Variants in SERINC5 observed in about 807,000 individuals in gnomAD.
The protein encoded by SERINC5 is serine incorporator 5, also known as chromosome 5 open reading frame 12.
Under a neutral mutation model 63.1 loss-of-function variants are expected in SERINC5, and 41 were observed. The observed-to-expected ratio is 0.65, with a 90% CI of 0.51 to 0.84. The LOEUF (loss-of-function observed/expected upper bound fraction) is 0.84, where lower values mean the gene tolerates loss of function less well. Ranked by LOEUF, SERINC5 falls within the 40% of genes least tolerant of loss-of-function variation. SERINC5 has a pLI of 0.00. For synonymous variants in SERINC5, 222 were observed against 215.2 expected (o/e 1.03, Z -0.28); for missense variants, 523 against 573.0 (o/e 0.91, Z 0.89).
chr5:80,176,184 C>T (rs922575665), intron 4 of SERINC5, among the ~76,000 whole-genome samples: 5 of 151,432 alleles, frequency 3.3e-5, no homozygotes, highest in African/African-American at 9.7e-5. Context: ...GACTCTGTCT[C>T]GAAAAACAAA....
At chr5:80,203,878 C>T (rs917702987) in intron 1 of SERINC5, among the ~76,000 whole-genome samples, 6 of 152,128 alleles carry the variant, frequency 3.9e-5, no homozygotes, top group African/African-American at 7.2e-5. Flanking sequence ...TTTAGAGGGT[C>T]GGAACTTTCA....
At chr5:80,177,291 A>G (rs1748096595) in intron 4 of SERINC5, 24 bp downstream of exon 4, 1 of 1,546,568 alleles carries the variant, frequency 6.5e-7, no homozygotes, top group Admixed American at 1.8e-5. Context: ...AAATAAACAG[A>G]TACCCAAAAT....
chr5:80,164,922 T>TTTG (rs1747183311), intron 7 of SERINC5, among the ~76,000 whole-genome samples: 1 of 140,008 alleles, frequency 7.1e-6, no homozygotes, highest in African/African-American at 2.7e-5. Flanking sequence ...TTTTTTTTTT[T>TTTG]TTTTTTTTTT....
At position 80,224,026 on chromosome 5, in the gene SERINC5, G is replaced by A. The variant is rs189307218; in HGVS notation, c.28-20973C>T. ...CGGGCGCCTGTAATCCTAGCTACTTGGGAGGCTGAGGCAGGAGAATCGCTT... is the reference window on the plus strand; with the variant it reads ...CGGGCGCCTGTAATCCTAGCTACTTAGGAGGCTGAGGCAGGAGAATCGCTT... On this transcript the variant is annotated intron_variant, in intron 1 of 11. Transcript: ENST00000507668. Among the ~76,000 whole-genome samples, 27 of 151,590 alleles carry A rather than the reference G, an allele frequency of 1.8e-4. No homozygotes were observed. In the East Asian group the frequency reaches 4.8e-3, roughly 27 times the overall value.
intron 6 of SERINC5, among the ~76,000 whole-genome samples, chr5:80,167,753 A>C (rs186467903): frequency 1.3e-5 from 2 of 152,274 alleles, no homozygotes. Flanking sequence ...AAGTTATAAT[A>C]TTTCAAGGAA....
intron 9 of SERINC5, among the ~76,000 whole-genome samples, 192 bp downstream of exon 9, chr5:80,150,690 A>C (rs113556929): frequency 0.069 from 10,427 of 151,990 alleles, 1,213 homozygotes; most frequent in African/African-American, 0.24. Flanking sequence ...CCCGCCTCGG[A>C]CTCCCAAAGT....
At position 80,146,175 on chromosome 5, in the gene SERINC5, C is replaced by A; in HGVS notation, c.1153G>T (p.Gly385Cys). Residue 385 changes from glycine (G) to cysteine (C), a missense_variant, in exon 11 of 12, where the codon GGC (glycine) becomes TGC (cysteine). Transcript: ENST00000507668. ...GPRVIYDEKK[G>C]TVYIYSYFHF... ...AAGTAGGAGTAGATGTAGACGGTGC[C>A]TTTCTTCTCGTCATAAATGACCCGT... 2 of 1,613,978 alleles carry A rather than the reference C, an allele frequency of 1.2e-6. No homozygotes were observed. The highest frequency in any genetic ancestry group is 1.7e-6 in the Non-Finnish European group (2 of 1,179,866).
chr5:80,250,899 G>T lies in SERINC5; in HGVS notation c.27+4997C>A, dbSNP rs535470184. 2.4e-4 allele frequency among the ~76,000 whole-genome samples: 36 copies of T among 152,204 alleles called. No homozygotes were observed. The South Asian group carries it at 5.4e-3, about 23-fold the overall frequency. ...CCTTATGCTCACTTTAAAAGGCCTAGTCACCTCTGCACAAAATCGAATGGA... is the reference window on the plus strand; with the variant it reads ...CCTTATGCTCACTTTAAAAGGCCTATTCACCTCTGCACAAAATCGAATGGA... On this transcript the variant is annotated intron_variant, in intron 1 of 11. Coordinates refer to ENST00000507668, the MANE Select transcript of SERINC5 (RefSeq NM_001174072.3).
rs1746236849 is a variant in SERINC5 at position 80,152,238 on chromosome 5, C to A, written c.987-1290G>T. Among the ~76,000 whole-genome samples, 6 of 152,170 alleles carry A rather than the reference C, an allele frequency of 3.9e-5. 1 individual carries two copies. The South Asian group carries it at 1.0e-3, about 26-fold the overall frequency. On this transcript the variant is annotated intron_variant, in intron 8 of 11. Transcript: ENST00000507668. ...TGGCCCGGCTGGGTGTGGTGGCTCA[C>A]ACCTGTAATCTCAGCACTTTGGGAG...
At chr5:80,245,370 C>T (rs1378721844) in intron 1 of SERINC5, among the ~76,000 whole-genome samples, 1 of 152,188 alleles carries the variant, frequency 6.6e-6, no homozygotes, top group African/African-American at 2.4e-5. Flanking sequence ...GGCTCATCCA[C>T]TTCTGGGGGC....
chr5:80,197,281 CAG>C (rs1361673545), intron 2 of SERINC5, among the ~76,000 whole-genome samples: 1 of 111,884 alleles, frequency 8.9e-6, no homozygotes, highest in African/African-American at 3.3e-5. Flanking sequence ...GCGTTTCAGC[CAG>C]AGAGACAGAG....
At chr5:80,231,234 T>C (rs988164917) in intron 1 of SERINC5, among the ~76,000 whole-genome samples, 1 of 152,220 alleles carries the variant, frequency 6.6e-6, no homozygotes. Flanking sequence ...AATTAAGTTA[T>C]TGCTTAGTAA....
At chr5:80,201,646 C>T (rs780736299) in intron 2 of SERINC5, among the ~76,000 whole-genome samples, 28 of 152,148 alleles carry the variant, frequency 1.8e-4, no homozygotes, top group Non-Finnish European at 3.8e-4. Flanking sequence ...TCTCAAAATC[C>T]CCACCACAGT....
intron 11 of SERINC5, among the ~76,000 whole-genome samples, chr5:80,131,858 C>T (rs760704111): frequency 1.7e-4 from 26 of 152,086 alleles, no homozygotes; most frequent in African/African-American, 2.7e-4. Flanking sequence ...CCAATCCTGA[C>T]GAACAGAATC....
intron 1 of SERINC5, among the ~76,000 whole-genome samples, chr5:80,238,593 G>C (rs1216470361): frequency 6.6e-6 from 1 of 152,024 alleles, no homozygotes; most frequent in South Asian, 2.1e-4. Flanking sequence ...AGACCAGCCT[G>C]ACCAACGTGG....
intron 12 of SERINC5, among the ~76,000 whole-genome samples, chr5:80,113,291 T>C (rs950670669): frequency 4.6e-5 from 7 of 152,228 alleles, no homozygotes; most frequent in Admixed American, 2.0e-4. Context: ...ATGATCAGCA[T>C]TGTCCATTAT....
At chr5:80,130,116 A>T (rs1744882918) in intron 11 of SERINC5, among the ~76,000 whole-genome samples, 1 of 152,198 alleles carries the variant, frequency 6.6e-6, no homozygotes, top group Admixed American at 6.5e-5. Flanking sequence ...TTGGTGGCTC[A>T]TGCCTATAAT....
chr5:80,177,866 A>G lies in SERINC5; in HGVS notation c.374+20T>C. On this transcript the variant is annotated intron_variant, in intron 3 of 11. Transcript: ENST00000507668. ...CATAAGAAAGGAGAAAGCAATCCCC[A>G]AGAAGACTAAAATACTTACCCATTG... is the stretch of plus-strand genomic sequence containing the variant. The G allele has an allele frequency of 6.3e-7, 1 of 1,585,076 alleles. No individual in the cohort carries two copies.
chr5:80,164,516 G>C (rs1254600483), intron 7 of SERINC5, among the ~76,000 whole-genome samples: 1 of 151,928 alleles, frequency 6.6e-6, no homozygotes, highest in Non-Finnish European at 1.5e-5. Flanking sequence ...AGAGTAGCTG[G>C]GACTACAGAC....
Sources: gnomAD v4.1 joint callset for allele counts (sites outside exome capture counted in the v4.1 genomes callset) on GRCh38, gnomAD v4.1.1 for gene constraint, MANE v1.5 for transcripts, NCBI Gene and HGNC (gene_info 2026-07-23, HGNC 2026-07-21) for gene names.